Variants in TMEM268 observed in about 807,000 individuals in gnomAD.
The protein encoded by TMEM268 is transmembrane protein 268.
In TMEM268, 24 loss-of-function variants were observed where a neutral mutation model predicts 39.1. That is an observed-to-expected ratio of 0.61 (90% CI 0.44 to 0.86). TMEM268 has a LOEUF of 0.86. Ranked by LOEUF, TMEM268 falls within the 40% of genes least tolerant of loss-of-function variation. TMEM268 has a pLI of 0.00. For missense variants in TMEM268, 409 were observed against 428.6 expected (o/e 0.95, Z 0.40); for synonymous variants, 176 against 173.5 (o/e 1.01, Z -0.12).
chr9:114,629,707 C>G (rs1433258588), intron 5 of TMEM268, among the ~76,000 whole-genome samples: 1 of 152,188 alleles, frequency 6.6e-6, no homozygotes, highest in Non-Finnish European at 1.5e-5. Flanking sequence ...TCCCCCGATC[C>G]CTGGCACAGT....
In TMEM268 at chr9:114,643,550, C is replaced by T. The variant is rs1827447665; in HGVS notation, c.*237C>T. The T allele has an allele frequency of 3.9e-6, 2 of 517,556 alleles. No individual in the cohort carries two copies. The highest frequency in any genetic ancestry group is 7.0e-6 in the Non-Finnish European group (2 of 287,624). The allele number at this position is 517,556 out of a possible 1,614,324, so 32.1% of individuals were successfully genotyped here. ...TTTGCAGAAGCTGATGGTTACAGAG[C>T]TAGTCCCACCAAAGCTACTCTCTCT... On this transcript the variant is annotated 3_prime_UTR_variant, in exon 9 of 9. Coordinates refer to ENST00000288502, the MANE Select transcript of TMEM268 (RefSeq NM_153045.4).
chr9:114,615,681 T>G (rs942146006), intron 1 of TMEM268: 4 of 151,776 alleles, frequency 2.6e-5, no homozygotes, highest in African/African-American at 9.8e-5. Context: ...GTATTTTTGT[T>G]CTCTGTGGCT....
At chr9:114,642,549 T>C (rs992399268) in intron 8 of TMEM268, among the ~76,000 whole-genome samples, 6 of 152,196 alleles carry the variant, frequency 3.9e-5, no homozygotes, top group African/African-American at 1.4e-4. Context: ...TTTGATCTCA[T>C]GTACTTTACA....
chr9:114,638,824 T>C, intron 8 of TMEM268, 98 bp downstream of exon 8: 1 of 897,200 alleles, frequency 1.1e-6, no homozygotes, highest in Non-Finnish European at 1.6e-6. Context: ...AAGACATGCT[T>C]CTCTCAGTTA....
intron 8 of TMEM268, among the ~76,000 whole-genome samples, chr9:114,639,899 T>C (rs1846817376): frequency 1.3e-5 from 2 of 150,758 alleles, no homozygotes; most frequent in South Asian, 2.1e-4. Context: ...TTAAAATCTT[T>C]TATCTTTTTA....
chr9:114,609,727 A>AAAAG (rs1165425916), upstream of TMEM268, among the ~76,000 whole-genome samples: 3 of 111,564 alleles, frequency 2.7e-5, no homozygotes, highest in Admixed American at 2.0e-4. Context: ...AAGAAAAAGA[A>AAAAG]AAAGAAGGAA....
chr9:114,631,934 C>G (rs1471202145), intron 5 of TMEM268, among the ~76,000 whole-genome samples: 1 of 151,792 alleles, frequency 6.6e-6, no homozygotes, highest in African/African-American at 2.4e-5. Flanking sequence ...GACTCGATCT[C>G]TACAAAAAAT....
At position 114,626,280 on chromosome 9, in the gene TMEM268, G is replaced by T. The variant is rs954832159; in HGVS notation, c.217-619G>T. Among the ~76,000 whole-genome samples, 4 of 152,278 alleles carry T rather than the reference G, an allele frequency of 2.6e-5. No homozygotes were observed. The South Asian group carries it at 8.3e-4, about 32-fold the overall frequency. On this transcript the variant is annotated intron_variant, in intron 3 of 8. Transcript: ENST00000288502. ...ACCTGGCCTAAATATCATTTTAATG[G>T]TTAAGTTCTGTTTTCTTAGTTCTAC...
chr9:114,611,582 C>A lies in TMEM268; in HGVS notation c.-79+18C>A. Reference sequence around the variant, plus strand: ...CGCGGGCGGTGAGTGTGCGCGGGCCCGGGCGCGCGCCCGTGTCCTGCGATC... The same window carrying A: ...CGCGGGCGGTGAGTGTGCGCGGGCCAGGGCGCGCGCCCGTGTCCTGCGATC... On this transcript the variant is annotated intron_variant, in intron 1 of 8. Transcript: ENST00000288502. 6.4e-6 allele frequency: 1 copy of A among 157,090 alleles called. No individual in the cohort carries two copies. Among genetic ancestry groups the A allele is most frequent in the Non-Finnish European group, 1.4e-5 (1 of 73,132 alleles). The allele number at this position is 157,090 out of a possible 1,614,324, so 9.7% of individuals were successfully genotyped here.
intron 1 of TMEM268, among the ~76,000 whole-genome samples, chr9:114,613,755 G>A (rs1014437355): frequency 6.7e-6 from 1 of 150,030 alleles, no homozygotes; most frequent in African/African-American, 2.4e-5. Flanking sequence ...TTTTTGTTTT[G>A]TTTTGTTTTG....
At position 114,611,577 on chromosome 9, in the gene TMEM268, G is replaced by C. The variant is rs1344483489; in HGVS notation, c.-79+13G>C. ...GGCGGCGCGGGCGGTGAGTGTGCGC[G>C]GGCCCGGGCGCGCGCCCGTGTCCTG... On this transcript the variant is annotated intron_variant, in intron 1 of 8. Transcript: ENST00000288502. 6.3e-6 allele frequency: 1 copy of C among 158,444 alleles called. No individual in the cohort carries two copies. Among genetic ancestry groups the C allele is most frequent in the South Asian group, 1.7e-4 (1 of 5,794 alleles). The allele number at this position is 158,444 out of a possible 1,614,324, so 9.8% of individuals were successfully genotyped here.
chr9:114,638,614 A>G lies in TMEM268; in HGVS notation c.737A>G (p.Glu246Gly), dbSNP rs758406855. Residue 246 changes from glutamate (E) to glycine (G), a missense_variant, in exon 8 of 9, where the codon GAG (glutamate) becomes GGG (glycine). Transcript: ENST00000288502. ...METGVSPATA[E>G]GPENLEDAPL... Reference sequence around the variant, plus strand: ...ACTGGGGTGAGCCCTGCAACAGCGGAGGGGCCTGAGAACTTGGAGGATGCT... The same window carrying G: ...ACTGGGGTGAGCCCTGCAACAGCGGGGGGGCCTGAGAACTTGGAGGATGCT... The G allele has an allele frequency of 1.2e-6, 2 of 1,609,788 alleles. No homozygotes were observed. The highest frequency in any genetic ancestry group is 2.2e-5 in the South Asian group (2 of 90,178).
intron 6 of TMEM268, among the ~76,000 whole-genome samples, chr9:114,634,786 G>A (rs1421773876): frequency 6.6e-6 from 1 of 150,876 alleles, no homozygotes; most frequent in African/African-American, 2.4e-5. Context: ...GATTGAGGCT[G>A]CAGCAGAGAA....
Position 114,637,037 on chromosome 9 carries a change from T to C in TMEM268, c.633T>C (p.Ser211=). 1 of 1,613,118 alleles carries C rather than the reference T, an allele frequency of 6.2e-7. No homozygotes were observed. Among genetic ancestry groups the C allele is most frequent in the East Asian group, 2.2e-5 (1 of 44,848 alleles). ...TGGAGAACTGTGTGCAGTTTTTGTC[T>C]GATCATGTTCAAGAAATGAAGACTA... ...FDLENCVQFL[S]DHVQEMKTSQ... is the part of the protein sequence containing the mutation. The change falls in exon 7 of 9, where the codon TCT becomes TCC. Residue 211 remains serine, a synonymous_variant. Coordinates refer to ENST00000288502, the MANE Select transcript of TMEM268 (RefSeq NM_153045.4).
rs777405472 is a variant in TMEM268, at chr9:114,628,101, G to T, written c.325G>T (p.Val109Phe). 6.2e-7 allele frequency: 1 copy of T among 1,612,996 alleles called. No homozygotes were observed. The highest frequency in any genetic ancestry group is 8.5e-7 in the Non-Finnish European group (1 of 1,179,014). Residue 109 changes from valine to phenylalanine, a missense_variant and splice_region_variant, in exon 5 of 9, where the codon GTT becomes TTT. Val to Phe is a conservative substitution (Grantham distance 50, BLOSUM62 -1). Transcript: ENST00000288502. ...SRPMRLAFAV[V>F]FYVVVWANIY... ...ATGCTCTCTGTCTGGCATCTTGCAGGTTTTCTATGTGGTGGTGTGGGCCAA... is the reference window on the plus strand; with the variant it reads ...ATGCTCTCTGTCTGGCATCTTGCAGTTTTTCTATGTGGTGGTGTGGGCCAA...
At chr9:114,618,657 C>T (rs770153399) in intron 2 of TMEM268, among the ~76,000 whole-genome samples, 2 of 150,884 alleles carry the variant, frequency 1.3e-5, no homozygotes, top group Non-Finnish European at 3.0e-5. Context: ...AGTGAGACTC[C>T]ATCTCAAAAA....
At chr9:114,616,770 C>T (rs1023782836) in intron 1 of TMEM268, among the ~76,000 whole-genome samples, 13 of 152,062 alleles carry the variant, frequency 8.5e-5, no homozygotes, top group African/African-American at 3.1e-4. Context: ...TGTCCTGTGC[C>T]TGGTTGCCTG....
chr9:114,628,602 C>T (rs558006666), intron 5 of TMEM268, among the ~76,000 whole-genome samples: 4 of 152,210 alleles, frequency 2.6e-5, no homozygotes, highest in African/African-American at 7.2e-5. Context: ...GATTACTGAA[C>T]CCACCCTGCA....
intron 2 of TMEM268, among the ~76,000 whole-genome samples, chr9:114,618,629 C>G (rs1186728044): frequency 6.6e-6 from 1 of 151,820 alleles, no homozygotes; most frequent in Non-Finnish European, 1.5e-5. Flanking sequence ...CACCACTGGA[C>G]TCCAGTTTGG....
Sources: gnomAD v4.1 joint callset for allele counts (sites outside exome capture counted in the v4.1 genomes callset) on GRCh38, gnomAD v4.1.1 for gene constraint, MANE v1.5 for transcripts, NCBI Gene and HGNC (gene_info 2026-07-23, HGNC 2026-07-21) for gene names.